Variants in CSNK2A2IP observed in about 807,000 individuals in gnomAD.
CSNK2A2IP encodes the protein casein kinase 2 subunit alpha' interacting protein, also known as casein kinase II subunit alpha'-interacting protein.
chr3:88,418,714 C>T, the CSNK2A2IP span, among the ~76,000 whole-genome samples: 1 of 151,950 alleles, frequency 6.6e-6, no homozygotes, highest in Non-Finnish European at 1.5e-5. Context: ...AGATAAATTG[C>T]ATGTTGTGGG....
the CSNK2A2IP span, among the ~76,000 whole-genome samples, chr3:88,438,257 A>G: frequency 1.3e-3 from 197 of 152,276 alleles, 2 homozygotes; most frequent in Non-Finnish European, 2.1e-4. Flanking sequence ...TTGGGGCTCA[A>G]AAGATAATAC....
At chr3:88,434,355 A>G in the CSNK2A2IP span, among the ~76,000 whole-genome samples, 5 of 64,362 alleles carry the variant, frequency 7.8e-5, no homozygotes, top group African/African-American at 1.5e-4. Context: ...CAAATGCAGA[A>G]AAAAAAAATA....
At chr3:88,437,348 C>A in the CSNK2A2IP span, among the ~76,000 whole-genome samples, 1 of 152,170 alleles carries the variant, frequency 6.6e-6, no homozygotes, top group Non-Finnish European at 1.5e-5. Flanking sequence ...AAATTCAAAT[C>A]CCATTAATGG....
At chr3:88,404,097 G>A in the CSNK2A2IP span, among the ~76,000 whole-genome samples, 19 of 151,682 alleles carry the variant, frequency 1.3e-4, no homozygotes, top group African/African-American at 3.6e-4. Flanking sequence ...ACAAGCAACA[G>A]CAATATCAGA....
the CSNK2A2IP span, among the ~76,000 whole-genome samples, chr3:88,446,030 T>C: frequency 5.9e-3 from 346 of 58,178 alleles, 10 homozygotes; most frequent in Non-Finnish European, 8.8e-3. Context: ...TCTTTGTTTC[T>C]TTTCTTTCTT....
At chr3:88,438,044 T>G in the CSNK2A2IP span, among the ~76,000 whole-genome samples, 1 of 152,186 alleles carries the variant, frequency 6.6e-6, no homozygotes, top group Non-Finnish European at 1.5e-5. Context: ...TCTTATTAAT[T>G]TGCAAATTCG....
chr3:88,436,343 G>A, the CSNK2A2IP span, among the ~76,000 whole-genome samples: 5 of 152,032 alleles, frequency 3.3e-5, no homozygotes, highest in African/African-American at 9.7e-5. Flanking sequence ...AATAGAACAG[G>A]TTGATTGACA....
the CSNK2A2IP span, among the ~76,000 whole-genome samples, chr3:88,410,483 C>T: frequency 1.2e-4 from 18 of 151,944 alleles, 1 homozygote; most frequent in African/African-American, 3.6e-4. Flanking sequence ...TCTCCTGCCA[C>T]GGAAGTCTTT....
the CSNK2A2IP span, among the ~76,000 whole-genome samples, chr3:88,434,456 T>C: frequency 0.36 from 54,700 of 151,934 alleles, 11,102 homozygotes; most frequent in Non-Finnish European, 0.47. Context: ...ATGGAGAAAG[T>C]TGAATTCCAA....
At chr3:88,351,152 C>G in the CSNK2A2IP span, among the ~76,000 whole-genome samples, 1 of 152,224 alleles carries the variant, frequency 6.6e-6, no homozygotes, top group South Asian at 2.1e-4. Context: ...ACTGGATTCA[C>G]TTGCCTCACT....
chr3:88,360,270 A>T, the CSNK2A2IP span, among the ~76,000 whole-genome samples: 1 of 151,178 alleles, frequency 6.6e-6, no homozygotes, highest in Non-Finnish European at 1.5e-5. Flanking sequence ...AGTAGCTGGG[A>T]CTACAGGCGC....
chr3:88,450,046 T>C, the CSNK2A2IP span, among the ~76,000 whole-genome samples: 1 of 151,094 alleles, frequency 6.6e-6, no homozygotes, highest in Non-Finnish European at 1.5e-5. Flanking sequence ...TGTTTTGTAT[T>C]TTTGTAGAGA....
chr3:88,442,237 A>T, the CSNK2A2IP span, among the ~76,000 whole-genome samples: 2 of 152,114 alleles, frequency 1.3e-5, no homozygotes, highest in African/African-American at 2.4e-5. Flanking sequence ...ACAGGGTCTC[A>T]CTAGGTTGTT....
chr3:88,466,915 G>A, the CSNK2A2IP span: 1 of 1,230,956 alleles, frequency 8.1e-7, no homozygotes, highest in Non-Finnish European at 1.0e-6. Flanking sequence ...AGTGAAATTA[G>A]TTCTTATCCT....
chr3:88,432,640 T>A, the CSNK2A2IP span, among the ~76,000 whole-genome samples: 3 of 151,478 alleles, frequency 2.0e-5, no homozygotes, highest in African/African-American at 7.3e-5. Flanking sequence ...ACAAAATAGC[T>A]ATAAAAACAA....
the CSNK2A2IP span, chr3:88,465,837 A>G: frequency 2.3e-5 from 28 of 1,231,624 alleles, no homozygotes; most frequent in Middle Eastern, 3.1e-4. Flanking sequence ...CTCAAACAAC[A>G]TCTTCAAGCC....
chr3:88,339,340 C>T, the CSNK2A2IP span, among the ~76,000 whole-genome samples: 1 of 151,946 alleles, frequency 6.6e-6, no homozygotes, highest in African/African-American at 2.4e-5. Flanking sequence ...ACATAATGTC[C>T]TCCAGTTCTA....
At chr3:88,381,567 C>T in the CSNK2A2IP span, among the ~76,000 whole-genome samples, 9 of 152,142 alleles carry the variant, frequency 5.9e-5, no homozygotes, top group African/African-American at 2.2e-4. Flanking sequence ...AGCCTTGATG[C>T]TGTTATGTGG....
the CSNK2A2IP span, among the ~76,000 whole-genome samples, chr3:88,363,854 C>A: frequency 6.6e-6 from 1 of 152,112 alleles, no homozygotes; most frequent in African/African-American, 2.4e-5. Context: ...CTGAGTCTGG[C>A]TGGTAGGAAA....
Sources: allele counts gnomAD v4.1 joint callset (sites outside exome capture counted in the v4.1 genomes callset), GRCh38; gene constraint gnomAD v4.1.1; transcripts MANE v1.5; gene names NCBI Gene and HGNC (gene_info 2026-07-23, HGNC 2026-07-21).